The following PTK2 variants were observed in gnomAD, a reference collection of about 807,000 sequenced individuals.
PTK2 encodes focal adhesion kinase 1.
In PTK2, 45 loss-of-function variants were observed where a neutral mutation model predicts 150.1. The ratio of observed to expected loss-of-function variants is 0.30; its 90% CI spans 0.24 to 0.38. The LOEUF (loss-of-function observed/expected upper bound fraction) is 0.38. PTK2 is among the 10% of genes least tolerant of loss of function. The pLI is 1.00. For synonymous variants in PTK2, 432 were observed against 449.2 expected (o/e 0.96, Z 0.48); for missense variants, 919 against 1,307.3 (o/e 0.70, Z 4.58).
intron 27 of PTK2, among the ~76,000 whole-genome samples, chr8:140,676,187 C>A (rs2100013526): frequency 6.6e-6 from 1 of 151,934 alleles, no homozygotes; most frequent in African/African-American, 2.4e-5. Flanking sequence ...ACCAGCCTGG[C>A]CAACATGGCA....
intron 2 of PTK2, among the ~76,000 whole-genome samples, chr8:140,913,018 T>C (rs2100163838): frequency 6.6e-6 from 1 of 152,120 alleles, no homozygotes; most frequent in Non-Finnish European, 1.5e-5. Context: ...AACTTAACAC[T>C]GAACATGTTC....
intron 5 of PTK2, among the ~76,000 whole-genome samples, chr8:140,861,975 AT>A (rs2100136409): frequency 6.6e-6 from 1 of 152,228 alleles, no homozygotes; most frequent in Admixed American, 6.5e-5. Flanking sequence ...GCTGAACTGA[AT>A]TCTATAGACT....
At chr8:140,982,050 C>T (rs930702661) in intron 1 of PTK2, among the ~76,000 whole-genome samples, 8 of 133,692 alleles carry the variant, frequency 6.0e-5, no homozygotes, top group African/African-American at 2.2e-4. Flanking sequence ...AAGCTCCACG[C>T]TTCACCAACT....
At chr8:140,988,459 G>A (rs1390135852) in intron 1 of PTK2, among the ~76,000 whole-genome samples, 1 of 152,194 alleles carries the variant, frequency 6.6e-6, no homozygotes, top group Non-Finnish European at 1.5e-5. Flanking sequence ...GCTGGGCATG[G>A]TGGCTCATGC....
chr8:140,889,931 C>A (rs1473756737), intron 3 of PTK2, among the ~76,000 whole-genome samples: 2 of 152,168 alleles, frequency 1.3e-5, no homozygotes, highest in African/African-American at 4.8e-5. Context: ...GAAATCCTTT[C>A]CAGTACTAAC....
At chr8:140,759,754 G>A (rs1168859834) in intron 16 of PTK2, among the ~76,000 whole-genome samples, 1 of 151,770 alleles carries the variant, frequency 6.6e-6, no homozygotes, top group Non-Finnish European at 1.5e-5. Flanking sequence ...TACGAGGGAG[G>A]ATAACTTGAG....
At chr8:140,870,956 G>A (rs1192057596) in intron 4 of PTK2, among the ~76,000 whole-genome samples, 1 of 151,838 alleles carries the variant, frequency 6.6e-6, no homozygotes, top group African/African-American at 2.4e-5. Context: ...ATTTTTGCCT[G>A]TTACAACTGA....
rs79614897 is a variant in PTK2 at position 140,811,772 on chromosome 8, C to T, written c.867+6505G>A. Among the ~76,000 whole-genome samples, 305 of 152,168 alleles carry T rather than the reference C, an allele frequency of 2.0e-3. 2 individuals carry two copies. The highest frequency in any genetic ancestry group is 7.0e-3 in the African/African-American group (290 of 41,494). ...CACTACAAAGATTTCATAATGCAAC[C>T]GTAAGTATTAATAGCCTAACAGACC... On this transcript the variant is annotated intron_variant, in intron 10 of 31. Transcript: ENST00000522684.
intron 24 of PTK2, among the ~76,000 whole-genome samples, chr8:140,705,104 T>C (rs915207609): frequency 6.6e-6 from 1 of 152,186 alleles, no homozygotes; most frequent in Admixed American, 6.5e-5. Context: ...AATTAGACAT[T>C]AGAATCTGGC....
At chr8:140,711,726 A>G (rs1039076039) in intron 23 of PTK2, among the ~76,000 whole-genome samples, 1 of 152,218 alleles carries the variant, frequency 6.6e-6, no homozygotes, top group African/African-American at 2.4e-5. Context: ...ATTCATGGTG[A>G]GTCCACAAAC....
intron 7 of PTK2, among the ~76,000 whole-genome samples, chr8:140,839,157 C>T (rs1385894736): frequency 6.6e-6 from 1 of 152,150 alleles, no homozygotes; most frequent in African/African-American, 2.4e-5. Context: ...TAACACAAAG[C>T]ACGACAGGCA....
At chr8:140,800,100 A>G (rs2100094076) in intron 12 of PTK2, among the ~76,000 whole-genome samples, 1 of 152,210 alleles carries the variant, frequency 6.6e-6, no homozygotes, top group Non-Finnish European at 1.5e-5. Context: ...CACTTTATTT[A>G]TAGTGAGTTA....
At chr8:140,910,982 A>T (rs1415169305) in intron 2 of PTK2, among the ~76,000 whole-genome samples, 1 of 152,044 alleles carries the variant, frequency 6.6e-6, no homozygotes, top group Non-Finnish European at 1.5e-5. Context: ...GACTCAAGCA[A>T]TTCTCCCACC....
At chr8:140,678,854 TAAC>T (rs2100015328) in intron 27 of PTK2, among the ~76,000 whole-genome samples, 2 of 151,304 alleles carry the variant, frequency 1.3e-5, no homozygotes. Context: ...GCCAATACTT[TAAC>T]AACAGACAAT....
intron 23 of PTK2, among the ~76,000 whole-genome samples, chr8:140,716,510 G>C (rs1216299173): frequency 6.6e-6 from 1 of 152,194 alleles, no homozygotes; most frequent in East Asian, 1.9e-4. Flanking sequence ...TCTCTCTGTA[G>C]AGGGGGCTGG....
intron 17 of PTK2, among the ~76,000 whole-genome samples, chr8:140,749,457 G>C (rs1344125705): frequency 6.6e-6 from 1 of 152,166 alleles, no homozygotes; most frequent in Non-Finnish European, 1.5e-5. Context: ...TGGCCACTAG[G>C]AAACTCTACC....
intron 23 of PTK2, among the ~76,000 whole-genome samples, chr8:140,714,710 T>C (rs980748383): frequency 7.0e-6 from 1 of 143,688 alleles, no homozygotes; most frequent in African/African-American, 2.6e-5. Flanking sequence ...GGCAGGACAA[T>C]TGCTTGAACC....
At chr8:140,919,102 G>A (rs1201139962) in intron 2 of PTK2, among the ~76,000 whole-genome samples, 1 of 152,124 alleles carries the variant, frequency 6.6e-6, no homozygotes, top group African/African-American at 2.4e-5. Flanking sequence ...ACAGCTCCCA[G>A]GTTTTGTCAG....
chr8:140,845,094 A>G (rs1465941851), intron 7 of PTK2, among the ~76,000 whole-genome samples: 1 of 152,164 alleles, frequency 6.6e-6, no homozygotes, highest in African/African-American at 2.4e-5. Flanking sequence ...TCATTCTCAC[A>G]TGGACAAGAA....
Sources: allele counts gnomAD v4.1 joint callset (sites outside exome capture counted in the v4.1 genomes callset), GRCh38; gene constraint gnomAD v4.1.1; transcripts MANE v1.5; gene names NCBI Gene and HGNC (gene_info 2026-07-23, HGNC 2026-07-21).